STK3: variants seen among roughly 807,000 people sequenced by gnomAD.
STK3 encodes serine/threonine-protein kinase 3.
A neutral mutation model predicts 58.0 loss-of-function variants in STK3; 41 were observed. That is an observed-to-expected ratio of 0.71 (90% confidence interval 0.55 to 0.92). The LOEUF (loss-of-function observed/expected upper bound fraction) is 0.92. Among genes scored for constraint, STK3 ranks in the 40% least tolerant of loss-of-function variants. STK3 has a pLI of 0.00. For synonymous variants in STK3, 170 were observed against 191.0 expected, an observed-to-expected ratio of 0.89 and a Z score of 0.91; for missense variants, 479 against 602.7, an observed-to-expected ratio of 0.79 and a Z score of 2.15.
At chr8:98,689,528 C>T (rs1337011539) in intron 6 of STK3, among the ~76,000 whole-genome samples, 1 of 152,276 alleles carries the variant, frequency 6.6e-6, no homozygotes, top group South Asian at 2.1e-4. Flanking sequence ...CATCTATAAT[C>T]CCAGCACTTG....
chr8:98,410,282 A>T (rs1818040259), intron 3 of STK3, among the ~76,000 whole-genome samples: 1 of 152,208 alleles, frequency 6.6e-6, no homozygotes, highest in Non-Finnish European at 1.5e-5. Context: ...ATGTGGACTC[A>T]TGTGAACGCC....
intron 10 of STK3, among the ~76,000 whole-genome samples, chr8:98,485,420 T>G (rs765440454): frequency 1.3e-5 from 2 of 152,084 alleles, no homozygotes; most frequent in African/African-American, 2.4e-5. Flanking sequence ...TGTATGAAGC[T>G]CTAGAAAATA....
chr8:98,871,769 A>C (rs894989706), intron 3 of STK3, among the ~76,000 whole-genome samples: 1 of 152,218 alleles, frequency 6.6e-6, no homozygotes, highest in Admixed American at 6.5e-5. Flanking sequence ...TTCTAAATAT[A>C]CAATCATGTC....
intron 4 of STK3, among the ~76,000 whole-genome samples, chr8:98,717,940 C>T (rs1254041588): frequency 2.0e-5 from 3 of 151,928 alleles, no homozygotes; most frequent in South Asian, 2.1e-4. Flanking sequence ...TGAAGTAAGT[C>T]GGTCACAAAA....
At chr8:98,722,642 T>C (rs1213473710) in intron 4 of STK3, 1 of 153,434 alleles carries the variant, frequency 6.5e-6, no homozygotes, top group Non-Finnish European at 1.5e-5. Context: ...ACAAATTTCA[T>C]TCACATATAA....
intron 9 of STK3, among the ~76,000 whole-genome samples, chr8:98,529,286 G>GC (rs1030909057): frequency 3.6e-5 from 5 of 137,046 alleles, no homozygotes; most frequent in African/African-American, 8.5e-5. Flanking sequence ...AAAAACAAAA[G>GC]GGGGGGGGAC....
Position 98,596,153 on chromosome 8 carries a change from G to C in STK3, c.701C>G (p.Pro234Arg). ...TCTGAATGTTGGTGGTGGATTTGTG[G>C]GAATCATAAAAATAGCCTAGTACAA... is the stretch of plus-strand genomic sequence containing the variant. ...IHPMRAIFMI[P>R]TNPPPTFRKP... The change falls in exon 7 of 11, where the codon CCC becomes CGC. Residue 234 changes from proline to arginine, a missense_variant. By Grantham distance (103) the Pro-to-Arg change is moderately radical. Transcript: ENST00000419617. 6.2e-7 allele frequency: 1 copy of C among 1,612,412 alleles called. No individual in the cohort carries two copies.
intron 9 of STK3, among the ~76,000 whole-genome samples, chr8:98,529,254 C>T (rs1037678497): frequency 8.6e-5 from 13 of 151,590 alleles, no homozygotes; most frequent in Non-Finnish European, 1.9e-4. Flanking sequence ...TCAGAGAGTC[C>T]GGAATTCTTA....
chr8:98,693,183 G>C (rs1824537254), intron 6 of STK3, among the ~76,000 whole-genome samples: 1 of 152,112 alleles, frequency 6.6e-6, no homozygotes. Flanking sequence ...GACTGCTTAA[G>C]CTCAGGAGTT....
chr8:98,642,411 C>A (rs951934171), intron 6 of STK3, among the ~76,000 whole-genome samples: 1 of 152,080 alleles, frequency 6.6e-6, no homozygotes, highest in Non-Finnish European at 1.5e-5. Flanking sequence ...TTATTAAGTG[C>A]CTCCAGCAGG....
At position 98,914,124 on chromosome 8, in the gene STK3, T is replaced by C. The variant is rs141793683; in HGVS notation, c.-79+28254A>G. 1.9e-3 allele frequency among the ~76,000 whole-genome samples: 294 copies of C among 151,396 alleles called. 5 individuals carry two copies. The East Asian group carries it at 0.026, about 13-fold the overall frequency. ...CCATGTAACACATCTGCACTTGTAC[T>C]CCCTAAATCTATAAAGATAAAAAAT... On this transcript the variant is annotated intron_variant, in intron 1 of 1. Transcript: ENST00000519420.
intron 1 of STK3, among the ~76,000 whole-genome samples, chr8:98,919,609 G>T (rs901061889): frequency 4.6e-5 from 7 of 152,128 alleles, no homozygotes; most frequent in African/African-American, 1.4e-4. Flanking sequence ...AAGAGCCCAA[G>T]AACTGAATAT....
At chr8:98,459,450 C>G (rs1307827163) in intron 10 of STK3, among the ~76,000 whole-genome samples, 1 of 152,186 alleles carries the variant, frequency 6.6e-6, no homozygotes, top group Non-Finnish European at 1.5e-5. Context: ...GGAAAATTTG[C>G]AGCCTGATGA....
chr8:98,524,880 A>T (rs936763863), intron 10 of STK3, among the ~76,000 whole-genome samples: 2 of 152,232 alleles, frequency 1.3e-5, no homozygotes, highest in Non-Finnish European at 2.9e-5. Context: ...ACCTAGACAA[A>T]CTATTAACCT....
chr8:98,591,455 C>G lies in STK3; in HGVS notation c.822+4577G>C, dbSNP rs553809196. ...AAACCTTCATTGGGGTTTATCAGGA[C>G]CTAACTCCATTGTAAGTTAAGGAGC... is the stretch of plus-strand genomic sequence containing the variant. On this transcript the variant is annotated intron_variant, in intron 7 of 10. Coordinates refer to ENST00000419617, the MANE Select transcript of STK3 (RefSeq NM_006281.4). Among the ~76,000 whole-genome samples the G allele has an allele frequency of 1.3e-4, 20 of 152,240 alleles. No homozygotes were observed. The South Asian group carries it at 4.2e-3, about 32-fold the overall frequency.
rs901178703 is a variant in STK3 at position 98,597,969 on chromosome 8, G to A, written c.685-1800C>T. ...GGCTTTAAAAAATGAGTAAAATGGG[G>A]TTAAAAGCAGCTGCTGGAAAAGGCA... On this transcript the variant is annotated intron_variant, in intron 6 of 10. Coordinates refer to ENST00000419617, the MANE Select transcript of STK3 (RefSeq NM_006281.4). The A allele has an allele frequency of 5.1e-6, 5 of 985,144 alleles. No individual in the cohort carries two copies. In the Admixed American group the frequency reaches 3.1e-4, roughly 61 times the overall value. The allele number at this position is 985,144 out of a possible 1,614,324, so 61.0% of individuals were successfully genotyped here.
chr8:98,359,250 G>A, the STK3 span, among the ~76,000 whole-genome samples: 1 of 147,520 alleles, frequency 6.8e-6, no homozygotes, highest in Non-Finnish European at 1.5e-5. Flanking sequence ...GCTCACGCCT[G>A]TAATCCCAAC....
At chr8:98,626,664 A>G (rs574350039) in intron 6 of STK3, among the ~76,000 whole-genome samples, 1 of 152,376 alleles carries the variant, frequency 6.6e-6, no homozygotes, top group African/African-American at 2.4e-5. Context: ...AGAAGTTTAA[A>G]AGAAACTAAA....
intron 10 of STK3, among the ~76,000 whole-genome samples, chr8:98,479,833 G>C (rs1821705893): frequency 6.6e-6 from 1 of 152,150 alleles, no homozygotes; most frequent in Non-Finnish European, 1.5e-5. Context: ...TACTGCTGAG[G>C]TAAGAGAAGA....
Sources: gnomAD v4.1 joint callset for allele counts (sites outside exome capture counted in the v4.1 genomes callset) on GRCh38, gnomAD v4.1.1 for gene constraint, MANE v1.5 for transcripts, NCBI Gene and HGNC (gene_info 2026-07-23, HGNC 2026-07-21) for gene names.